The following DGKD variants were observed in gnomAD, a reference collection of about 807,000 sequenced individuals.
DGKD encodes DAG kinase delta.
Under a neutral mutation model 154.4 loss-of-function variants are expected in DGKD, and 68 were observed. That is an observed-to-expected ratio of 0.44 (90% CI 0.36 to 0.54). The LOEUF is 0.54. Ranked by LOEUF, DGKD falls within the 20% of genes least tolerant of loss-of-function variation. The pLI is 0.00. For synonymous variants in DGKD, 693 were observed against 638.0 expected (o/e 1.09, Z -1.30); for missense variants, 1,343 against 1,593.6 (o/e 0.84, Z 2.68).
Position 233,419,635 on chromosome 2 carries a change from T to C in DGKD, c.349-14745T>C, listed in dbSNP as rs376670432. ...CTTTACTCATGTGCTAGAAACATTCTGTGGTTCTCACCTGGCCAGACAGAA... is the reference window on the plus strand; with the variant it reads ...CTTTACTCATGTGCTAGAAACATTCCGTGGTTCTCACCTGGCCAGACAGAA... On this transcript the variant is annotated intron_variant, in intron 3 of 29. Coordinates refer to ENST00000264057, the MANE Select transcript of DGKD (RefSeq NM_152879.3). Among the ~76,000 whole-genome samples, 19 of 152,340 alleles carry C rather than the reference T, an allele frequency of 1.2e-4. No individual in the cohort carries two copies. In the East Asian group the frequency reaches 3.5e-3, roughly 28 times the overall value.
At chr2:233,371,749 T>C (rs542869797) in intron 1 of DGKD, among the ~76,000 whole-genome samples, 161 of 152,330 alleles carry the variant, frequency 1.1e-3, no homozygotes, top group African/African-American at 3.5e-3. Context: ...ATTCTTCCTG[T>C]GTGGATGTGC....
At chr2:233,398,109 T>C (rs1202928190) in intron 3 of DGKD, among the ~76,000 whole-genome samples, 4 of 116,832 alleles carry the variant, frequency 3.4e-5, no homozygotes, top group African/African-American at 9.9e-5. Flanking sequence ...TTGGCATACT[T>C]TGTATTTATC....
intron 1 of DGKD, among the ~76,000 whole-genome samples, chr2:233,386,660 A>G (rs1305873481): frequency 1.3e-5 from 2 of 151,992 alleles, no homozygotes; most frequent in Non-Finnish European, 2.9e-5. Flanking sequence ...CTCTTTAATT[A>G]CTGGGGAGAG....
At chr2:233,373,461 A>G (rs1702422771) in intron 1 of DGKD, among the ~76,000 whole-genome samples, 1 of 152,076 alleles carries the variant, frequency 6.6e-6, no homozygotes, top group African/African-American at 2.4e-5. Context: ...TCAATGGAAG[A>G]CTCCTAATGG....
chr2:233,390,131 T>C (rs755327051), intron 2 of DGKD, among the ~76,000 whole-genome samples: 6 of 152,192 alleles, frequency 3.9e-5, no homozygotes, highest in Non-Finnish European at 7.3e-5. Flanking sequence ...GCTTTGGTTC[T>C]CTCTCTTTCT....
intron 3 of DGKD, among the ~76,000 whole-genome samples, chr2:233,422,451 G>A (rs116527374): frequency 0.011 from 1,618 of 152,320 alleles, 31 homozygotes; most frequent in African/African-American, 0.037. Context: ...GGACTCAGGC[G>A]CAGGGACAGG....
At chr2:233,404,538 C>G (rs866051563) in intron 3 of DGKD, among the ~76,000 whole-genome samples, 2 of 152,112 alleles carry the variant, frequency 1.3e-5, no homozygotes, top group East Asian at 3.8e-4. Context: ...TTGGGTGATT[C>G]TAGTTTGGTT....
At chr2:233,383,700 C>T (rs1703017089) in intron 1 of DGKD, among the ~76,000 whole-genome samples, 1 of 152,210 alleles carries the variant, frequency 6.6e-6, no homozygotes, top group African/African-American at 2.4e-5. Context: ...TGAAGTCCCC[C>T]TCCCTCCCAA....
chr2:233,380,735 C>T (rs545688429), intron 1 of DGKD, among the ~76,000 whole-genome samples: 2 of 152,260 alleles, frequency 1.3e-5, no homozygotes, highest in Admixed American at 6.5e-5. Flanking sequence ...AGCGTCCTGG[C>T]TTTAGGAAAG....
intron 12 of DGKD, 91 bp downstream of exon 12, chr2:233,446,887 C>T (rs1035894586): frequency 6.7e-5 from 96 of 1,442,372 alleles, no homozygotes; most frequent in Non-Finnish European, 8.0e-5. Flanking sequence ...CTTGCAGAGA[C>T]GCCTCCCCTT....
chr2:233,444,897 C>T lies in DGKD; in HGVS notation c.1195-726C>T, dbSNP rs2063015889. On this transcript the variant is annotated intron_variant, in intron 10 of 29. Coordinates refer to ENST00000264057, the MANE Select transcript of DGKD (RefSeq NM_152879.3). ...CCACCGCAGCCTTCATGGCCCTGGTCACTCTGTTGTCAGAGTCAAAGGCTG... is the reference window on the plus strand; with the variant it reads ...CCACCGCAGCCTTCATGGCCCTGGTTACTCTGTTGTCAGAGTCAAAGGCTG... Among the ~76,000 whole-genome samples the T allele has an allele frequency of 2.6e-5, 4 of 151,854 alleles. No individual in the cohort carries two copies. The South Asian group carries it at 8.3e-4, about 32-fold the overall frequency.
intron 3 of DGKD, among the ~76,000 whole-genome samples, chr2:233,431,699 C>T (rs1005924709): frequency 2.0e-5 from 3 of 152,164 alleles, no homozygotes; most frequent in African/African-American, 4.8e-5. Context: ...TTTTGACAAA[C>T]GTACCAAGAA....
Position 233,445,552 on chromosome 2 carries a change from A to C in DGKD, c.1195-71A>C. On this transcript the variant is annotated intron_variant, in intron 10 of 29. Transcript: ENST00000264057. This position sits in a 1 kb window ranked among gnomAD's most constrained non-coding sequence, Gnocchi z 5.5. ...GTAACCCTCACGGTGGGGGACAAGGAGGGCTGCGGGCTGGGAAGTGGCCCC... is the reference window on the plus strand; with the variant it reads ...GTAACCCTCACGGTGGGGGACAAGGCGGGCTGCGGGCTGGGAAGTGGCCCC... The C allele has an allele frequency of 3.3e-6, 5 of 1,513,272 alleles. No homozygotes were observed. Among genetic ancestry groups the C allele is most frequent in the Non-Finnish European group, 4.4e-6 (5 of 1,129,150 alleles). 93.7% of individuals were successfully genotyped at this position (1,513,272 alleles called of 1,614,324 possible).
In DGKD at chr2:233,457,518, G is replaced by C; in HGVS notation, c.2580+190G>C. 1.5e-6 allele frequency: 1 copy of C among 680,752 alleles called. No homozygotes were observed. Among genetic ancestry groups the C allele is most frequent in the Non-Finnish European group, 2.7e-6 (1 of 370,592 alleles). 42.2% of individuals were successfully genotyped at this position (680,752 alleles called of 1,614,324 possible). A position where few individuals can be genotyped will look rare whatever the true frequency, so the allele number is the denominator to read the frequency against. On this transcript the variant is annotated intron_variant, in intron 21 of 29. Transcript: ENST00000264057. The surrounding 1 kb of genome is among the most constrained non-coding windows in gnomAD (Gnocchi z 5.5). ...GTCTAGAGGGCTGAGCAGAGCAGTTGTGTCAGTGAAGGTGGTCAGTGAGGG... is the reference window on the plus strand; with the variant it reads ...GTCTAGAGGGCTGAGCAGAGCAGTTCTGTCAGTGAAGGTGGTCAGTGAGGG...
chr2:233,454,186 C>G (rs1432063477), intron 18 of DGKD, among the ~76,000 whole-genome samples: 2 of 152,216 alleles, frequency 1.3e-5, no homozygotes, highest in Non-Finnish European at 2.9e-5. Flanking sequence ...AAGCTGTATG[C>G]AAATGTTCCT....
intron 3 of DGKD, among the ~76,000 whole-genome samples, chr2:233,424,941 T>C (rs2062242604): frequency 1.3e-5 from 2 of 152,194 alleles, no homozygotes; most frequent in Non-Finnish European, 2.9e-5. Context: ...GTATGTCTCC[T>C]TTTTCACCAT....
At position 233,450,400 on chromosome 2, in the gene DGKD, G is replaced by A. The variant is rs978097537; in HGVS notation, c.2038+269G>A. On this transcript the variant is annotated intron_variant, in intron 16 of 29. Coordinates refer to ENST00000264057, the MANE Select transcript of DGKD (RefSeq NM_152879.3). ...GACTGCCTCCCTGAGGAGCACTTGC[G>A]TCCTGCCCTCACTGCTTCCTTGGAA... Among the ~76,000 whole-genome samples, 33 of 152,136 alleles carry A rather than the reference G, an allele frequency of 2.2e-4. 1 individual carries two copies. Among genetic ancestry groups the A allele is most frequent in the Admixed American group, 1.9e-3 (29 of 15,280 alleles).
chr2:233,411,991 T>C (rs562921648), intron 3 of DGKD, among the ~76,000 whole-genome samples: 60 of 152,346 alleles, frequency 3.9e-4, no homozygotes, highest in African/African-American at 1.4e-3. Flanking sequence ...TGTCTGCCTT[T>C]ACTGAAATAA....
chr2:233,446,947 T>C, intron 12 of DGKD, 151 bp downstream of exon 12: 2 of 882,258 alleles, frequency 2.3e-6, no homozygotes, highest in Non-Finnish European at 3.4e-6. Context: ...GGTGAACCCA[T>C]GGCTGAGAGG....
Sources: allele counts gnomAD v4.1 joint callset (sites outside exome capture counted in the v4.1 genomes callset), GRCh38; gene constraint gnomAD v4.1.1; non-coding constraint Gnocchi (gnomAD v3.1); transcripts MANE v1.5; gene names NCBI Gene and HGNC (gene_info 2026-07-23, HGNC 2026-07-21).